POLR2F: variants seen among roughly 807,000 people sequenced by gnomAD.
POLR2F encodes DNA-directed RNA polymerases I, II, and III subunit RPABC2.
A neutral mutation model predicts 22.7 loss-of-function variants in POLR2F; 12 were observed. That is an observed-to-expected ratio of 0.53 (90% CI 0.34 to 0.86). The LOEUF is 0.86. Ranked by LOEUF, POLR2F falls within the 40% of genes least tolerant of loss-of-function variation. The pLI, the probability that POLR2F is intolerant of heterozygous loss-of-function variation, is 0.02. For synonymous variants in POLR2F, 57 were observed against 66.0 expected (o/e 0.86, Z 0.66); for missense variants, 126 against 171.5 (o/e 0.73, Z 1.48).
At chr22:38,032,514 A>T (rs1336557977) in intron 5 of POLR2F, 2 of 152,236 alleles carry the variant, frequency 1.3e-5, no homozygotes, top group Non-Finnish European at 2.9e-5. Flanking sequence ...CCCAGGAGAG[A>T]CCGGGGTCTC....
At chr22:38,020,630 T>TA (rs1276827150) in intron 1 of POLR2F, among the ~76,000 whole-genome samples, 1 of 151,016 alleles carries the variant, frequency 6.6e-6, no homozygotes, top group African/African-American at 2.4e-5. Context: ...TAGTCCCAGC[T>TA]ACTTGGGAGG....
intron 5 of POLR2F, chr22:38,032,735 T>C (rs1172544637): frequency 1.3e-5 from 2 of 152,316 alleles, no homozygotes; most frequent in East Asian, 3.8e-4. Flanking sequence ...TCAGGACGTG[T>C]CACAGAGGAC....
intron 1 of POLR2F, among the ~76,000 whole-genome samples, chr22:37,994,105 G>T (rs1214866004): frequency 2.0e-5 from 3 of 152,190 alleles, no homozygotes; most frequent in Non-Finnish European, 2.9e-5. Context: ...TTCCAGGTGT[G>T]ATGGCTTTTG....
downstream of POLR2F, chr22:37,974,275 A>AT: frequency 9.0e-7 from 1 of 1,114,038 alleles, no homozygotes; most frequent in Non-Finnish European, 1.3e-6. The surrounding 1 kb of genome is among the most constrained non-coding windows in gnomAD (Gnocchi z 5.4). Flanking sequence ...GTGAACTTCC[A>AT]TGGTTCACCT....
intron 1 of POLR2F, among the ~76,000 whole-genome samples, chr22:37,995,042 C>G (rs753546145): frequency 6.6e-6 from 1 of 152,204 alleles, no homozygotes; most frequent in Non-Finnish European, 1.5e-5. Flanking sequence ...ACTGCTTTGG[C>G]AGGTGCAATG....
At chr22:38,008,348 A>G (rs916910237) in intron 1 of POLR2F, among the ~76,000 whole-genome samples, 12 of 150,672 alleles carry the variant, frequency 8.0e-5, no homozygotes, top group Non-Finnish European at 1.8e-4. Context: ...TCAAGAGTTC[A>G]AGACCAGGCT....
intron 1 of POLR2F, among the ~76,000 whole-genome samples, chr22:38,002,040 A>C (rs2084775415): frequency 6.7e-6 from 1 of 149,048 alleles, no homozygotes. Context: ...AGTAGAGACC[A>C]GGTTTCACCA....
At chr22:37,971,970 C>A (rs2145757737), downstream of POLR2F, among the ~76,000 whole-genome samples, 1 of 151,634 alleles carries the variant, frequency 6.6e-6, no homozygotes, top group South Asian at 2.1e-4. Flanking sequence ...TCAGATGGAC[C>A]CCACTGGGAT....
downstream of POLR2F, chr22:37,971,058 G>T (rs1023568260): frequency 1.4e-5 from 5 of 346,454 alleles, no homozygotes; most frequent in African/African-American, 1.1e-4. Flanking sequence ...TTGGTGCCCT[G>T]CCTCTCCCCT....
chr22:37,985,844 CACACACACAT>C (rs1479706064), upstream of POLR2F, among the ~76,000 whole-genome samples: 36 of 151,962 alleles, frequency 2.4e-4, no homozygotes, highest in African/African-American at 8.7e-4. Context: ...CACACACACA[CACACACACAT>C]GCTCACACAC....
At chr22:38,040,834 C>G in intron 5 of POLR2F, 1 of 596,028 alleles carries the variant, frequency 1.7e-6, no homozygotes, top group Non-Finnish European at 2.9e-6. Context: ...TGCTGTCCTG[C>G]ACACGGTCAG....
At chr22:37,983,767 G>A (rs149435516), upstream of POLR2F, 87,457 of 1,474,910 alleles carry the variant, frequency 0.059, 2,830 homozygotes, top group African/African-American at 0.11. The surrounding 1 kb of genome is among the most constrained non-coding windows in gnomAD (Gnocchi z 9.5). Flanking sequence ...CCTCCGATAG[G>A]TCCTGCTCCT....
rs777088189 is a variant in POLR2F at position 37,959,373 on chromosome 22, C to A, written c.118C>A (p.Pro40Thr). Residue 40 changes from proline to threonine, a missense_variant, in exon 3 of 5, where the codon CCC (proline) becomes ACC (threonine). Physicochemically the swap from Pro to Thr is conservative, Grantham distance 38. Coordinates refer to ENST00000442738, the MANE Select transcript of POLR2F (RefSeq NM_021974.5). ...EEGQENVEIL[P>T]SGERPQANQK... ...AGGCCAGGAGAATGTCGAGATCCTCCCCTCTGGGGAGCGACCGCAGGCCAA... is the reference window on the plus strand; with the variant it reads ...AGGCCAGGAGAATGTCGAGATCCTCACCTCTGGGGAGCGACCGCAGGCCAA... The A allele has an allele frequency of 8.7e-6, 14 of 1,613,924 alleles. No homozygotes were observed. The Admixed American group carries it at 2.3e-4, about 27-fold the overall frequency.
At chr22:37,960,823 G>A (rs943828464) in intron 3 of POLR2F, among the ~76,000 whole-genome samples, 8 of 150,448 alleles carry the variant, frequency 5.3e-5, no homozygotes, top group African/African-American at 1.7e-4. Context: ...GTGAGCCACC[G>A]TGCCCGGCCG....
At chr22:37,981,771 G>T (rs1449181086), upstream of POLR2F, among the ~76,000 whole-genome samples, 2 of 152,226 alleles carry the variant, frequency 1.3e-5, no homozygotes, top group Admixed American at 1.3e-4. Context: ...GACCTTGGGT[G>T]GAGGAGCTAG....
chr22:37,996,976 A>G (rs2084720814), intron 1 of POLR2F, among the ~76,000 whole-genome samples: 1 of 151,938 alleles, frequency 6.6e-6, no homozygotes, highest in Non-Finnish European at 1.5e-5. Flanking sequence ...AGGGCAGGCC[A>G]CCCCACTCCT....
At chr22:37,970,601 ATC>A, downstream of POLR2F, 1 of 100,594 alleles carries the variant, frequency 9.9e-6, no homozygotes. Flanking sequence ...GCAAGACTCC[ATC>A]TAAAAAAAAA....
chr22:37,998,634 C>T (rs1569176718), intron 1 of POLR2F, among the ~76,000 whole-genome samples: 1 of 152,160 alleles, frequency 6.6e-6, no homozygotes, highest in South Asian at 2.1e-4. Context: ...GCCCTGTGGC[C>T]CTGGGCGTGG....
chr22:37,972,264 C>G, downstream of POLR2F: 1 of 1,300,950 alleles, frequency 7.7e-7, no homozygotes, highest in South Asian at 1.2e-5. Context: ...AGCACCAGTA[C>G]AGGGATAAGA....
Sources: gnomAD v4.1 joint callset for allele counts (sites outside exome capture counted in the v4.1 genomes callset) on GRCh38, gnomAD v4.1.1 for gene constraint, Gnocchi (gnomAD v3.1) non-coding constraint, MANE v1.5 for transcripts, NCBI Gene and HGNC (gene_info 2026-07-23, HGNC 2026-07-21) for gene names.